MYOF: variants seen among roughly 807,000 people sequenced by gnomAD.
MYOF encodes myoferlin.
Under a neutral mutation model 284.2 loss-of-function variants are expected in MYOF, and 244 were observed. The observed-to-expected ratio is 0.86, with a 90% CI of 0.77 to 0.95. The LOEUF is 0.95. MYOF is among the 40% of genes least tolerant of loss of function. MYOF has a pLI of 0.00. For missense variants in MYOF, 2,496 were observed against 2,560.6 expected (o/e 0.97, Z 0.54); for synonymous variants, 904 against 919.7 (o/e 0.98, Z 0.31).
At chr10:93,307,103 T>A in intron 53 of MYOF, 102 bp from the exon 54 acceptor site, 1 of 1,109,686 alleles carries the variant, frequency 9.0e-7, no homozygotes, top group Non-Finnish European at 1.3e-6. Context: ...TTGAACCAGA[T>A]GATTCTTTCT....
chr10:93,381,145 A>G, intron 20 of MYOF, 74 bp downstream of exon 20: 1 of 1,472,388 alleles, frequency 6.8e-7, no homozygotes. Flanking sequence ...CAGAGGGAAG[A>G]CACAGTGCTT....
chr10:93,380,071 G>C (rs1185088965), intron 20 of MYOF, 84 bp from the exon 21 acceptor site: 1 of 1,514,700 alleles, frequency 6.6e-7, no homozygotes, highest in African/African-American at 1.4e-5. Flanking sequence ...AGACTGAGCT[G>C]CTGATTAATC....
intron 3 of MYOF, among the ~76,000 whole-genome samples, chr10:93,449,835 G>A (rs1052581625): frequency 2.7e-4 from 41 of 152,066 alleles, no homozygotes; most frequent in African/African-American, 9.7e-4. Context: ...AGGGGGCATC[G>A]GTCAGCAACA....
chr10:93,410,542 C>T (rs1847859650), intron 5 of MYOF, among the ~76,000 whole-genome samples: 1 of 152,148 alleles, frequency 6.6e-6, no homozygotes, highest in African/African-American at 2.4e-5. Flanking sequence ...TTTTCCTCTG[C>T]CTTCAAGTAG....
intron 13 of MYOF, among the ~76,000 whole-genome samples, chr10:93,397,907 A>G (rs529519805): frequency 6.6e-6 from 1 of 151,870 alleles, no homozygotes; most frequent in East Asian, 1.9e-4. Flanking sequence ...AATCAGCCAC[A>G]CCCTGACACT....
chr10:93,349,899 A>C lies in MYOF; in HGVS notation c.3992T>G (p.Val1331Gly), dbSNP rs1472585018. 6.2e-7 allele frequency: 1 copy of C among 1,614,174 alleles called. No individual in the cohort carries two copies. Among genetic ancestry groups the C allele is most frequent in the South Asian group, 1.1e-5 (1 of 91,082 alleles). ...TTCCACCCTTTCTCCTCCACACTCC[A>C]CAACAAGACTGGGGGATGTGATAGA... ...MASITSPSLV[V>G]ECGGERVESV... Residue 1331 changes from valine to glycine, a missense_variant, in exon 36 of 54, where the codon GTG becomes GGG. Val to Gly is a moderately radical substitution (Grantham distance 109). Around this residue, in one of 3 missense-constraint regions of MYOF, gnomAD observed 2,436 missense variants for 2,480.7 expected, o/e 0.98. Transcript: ENST00000359263.
intron 41 of MYOF, among the ~76,000 whole-genome samples, chr10:93,335,422 A>C (rs1021988402): frequency 1.3e-5 from 2 of 152,182 alleles, no homozygotes; most frequent in Admixed American, 6.5e-5. Context: ...AGAGAAGATC[A>C]GATTTGGTTG....
intron 19 of MYOF, among the ~76,000 whole-genome samples, chr10:93,381,699 TAA>T (rs1846122474): frequency 6.6e-6 from 1 of 152,192 alleles, no homozygotes; most frequent in South Asian, 2.1e-4. Context: ...TGAAGGTTCA[TAA>T]AAAGACTTAA....
chr10:93,409,436 G>C, intron 6 of MYOF, 137 bp downstream of exon 6: 1 of 1,079,588 alleles, frequency 9.3e-7, no homozygotes, highest in Non-Finnish European at 1.3e-6. Context: ...TTTCTTACTG[G>C]GTTTATACAC....
At chr10:93,481,953 A>C (rs2057387844) in intron 1 of MYOF, among the ~76,000 whole-genome samples, 154 bp downstream of exon 1, 1 of 152,184 alleles carries the variant, frequency 6.6e-6, no homozygotes, top group Non-Finnish European at 1.5e-5. Context: ...CCTTCCCCAG[A>C]AACGGGTCCT....
At chr10:93,319,732 G>A in intron 49 of MYOF, 140 bp downstream of exon 49, 2 of 1,138,298 alleles carry the variant, frequency 1.8e-6, no homozygotes, top group Non-Finnish European at 2.5e-6. Flanking sequence ...AAGTGTCAAG[G>A]TGGCAGATTC....
At chr10:93,325,699 T>C in intron 46 of MYOF, 127 bp downstream of exon 46, 2 of 1,226,402 alleles carry the variant, frequency 1.6e-6, no homozygotes, top group South Asian at 3.0e-5. Context: ...TGACGCTAAT[T>C]TGAGTCTCAT....
chr10:93,329,940 T>A, intron 43 of MYOF, 106 bp from the exon 44 acceptor site: 2 of 1,180,294 alleles, frequency 1.7e-6, no homozygotes, highest in East Asian at 4.7e-5. Context: ...GTATGGCTGC[T>A]GGAGGACATC....
chr10:93,351,747 T>A lies in MYOF; in HGVS notation c.3581A>T (p.Glu1194Val). The A allele has an allele frequency of 6.3e-7, 1 of 1,599,976 alleles. No individual in the cohort carries two copies. The highest frequency in any genetic ancestry group is 8.5e-7 in the Non-Finnish European group (1 of 1,176,718). ...TTGGGGTTCCCCATAGATTTCAACT[T>A]CATCGAATATAATTGTTTGGTCCCA... is the stretch of plus-strand genomic sequence containing the variant. Reference protein sequence around the residue: ...PTWDQTIIFDEVEIYGEPQTV... With the variant: ...PTWDQTIIFDVVEIYGEPQTV... The change falls in exon 33 of 54, where the codon GAA (glutamate) becomes GTA (valine). Residue 1194 changes from glutamate (E) to valine (V), a missense_variant. Physicochemically the swap from Glu to Val is moderately radical, Grantham distance 121. Around this residue, in one of 3 missense-constraint regions of MYOF, gnomAD observed 2,436 missense variants for 2,480.7 expected, o/e 0.98. Transcript: ENST00000359263.
In MYOF at chr10:93,337,814, C is replaced by G. The variant is rs761468346; in HGVS notation, c.4437+1G>C. The G allele has an allele frequency of 2.6e-5, 42 of 1,612,942 alleles. No homozygotes were observed. Among genetic ancestry groups the G allele is most frequent in the Non-Finnish European group, 3.4e-5 (40 of 1,179,140 alleles). On this transcript the variant is annotated splice_donor_variant, in intron 40 of 53. Transcript: ENST00000359263. LOFTEE classifies it high-confidence loss of function. ...ACCCATAGCAGCATAGATCCAGGTA[C>G]CTTGAGCTTGGAATAGCCTTTCTGA... is the stretch of plus-strand genomic sequence containing the variant.
intron 3 of MYOF, among the ~76,000 whole-genome samples, chr10:93,441,902 C>T (rs1161809567): frequency 6.6e-6 from 1 of 151,358 alleles, no homozygotes; most frequent in East Asian, 1.9e-4. Context: ...AGGTCTTTTC[C>T]TTTTTTTATT....
intron 31 of MYOF, among the ~76,000 whole-genome samples, chr10:93,354,595 T>G (rs1323560717): frequency 6.6e-6 from 1 of 151,954 alleles, no homozygotes; most frequent in African/African-American, 2.4e-5. Context: ...TCTAAAAGAT[T>G]CTTTGACATT....
At chr10:93,425,851 T>C (rs1489022688) in intron 5 of MYOF, 3 of 580,356 alleles carry the variant, frequency 5.2e-6, no homozygotes, top group African/African-American at 1.9e-5. Flanking sequence ...GGTTGTTCAG[T>C]AAAGGGTTGG....
At chr10:93,361,415 G>A (rs936532634) in intron 28 of MYOF, 37 bp downstream of exon 28, 1 of 1,594,676 alleles carries the variant, frequency 6.3e-7, no homozygotes, top group Admixed American at 1.7e-5. Context: ...AGGCCCTGCT[G>A]CAGAGCCCCA....
Sources: gnomAD v4.1 joint callset for allele counts (sites outside exome capture counted in the v4.1 genomes callset) on GRCh38, gnomAD v4.1.1 for gene constraint, gnomAD v4.1.1 regional missense constraint, MANE v1.5 for transcripts, NCBI Gene and HGNC (gene_info 2026-07-23, HGNC 2026-07-21) for gene names.